BBS12: variants seen among roughly 807,000 people sequenced by gnomAD.
BBS12 encodes Bardet-Biedl syndrome 12.
BBS12 carries 5 observed loss-of-function variants against 5.6 expected under a neutral mutation model. The ratio of observed to expected loss-of-function variants is 0.89; its 90% CI spans 0.46 to 1.86. The LOEUF is 1.86. Ranked by LOEUF, BBS12 falls within the 40% of genes most tolerant of loss-of-function variation. The pLI is 0.01. For missense variants in BBS12, 748 were observed against 830.4 expected, an observed-to-expected ratio of 0.90 and a Z score of 1.22; for synonymous variants, 308 against 306.8, an observed-to-expected ratio of 1.00 and a Z score of -0.04.
intron 1 of BBS12, among the ~76,000 whole-genome samples, chr4:122,740,308 C>T (rs1476066629): frequency 6.6e-6 from 1 of 152,146 alleles, no homozygotes; most frequent in African/African-American, 2.4e-5. Context: ...TCTGAGTTCG[C>T]TGTGACTTGT....
chr4:122,712,350 T>C, the BBS12 span, among the ~76,000 whole-genome samples: 1 of 152,226 alleles, frequency 6.6e-6, no homozygotes, highest in East Asian at 1.9e-4. Context: ...ACTTTATTAC[T>C]TGCAGCATAA....
intron 1 of BBS12, among the ~76,000 whole-genome samples, chr4:122,741,596 A>C (rs955849234): frequency 3.3e-5 from 5 of 151,656 alleles, no homozygotes; most frequent in African/African-American, 1.2e-4. Flanking sequence ...TCAACTTGTA[A>C]CTCTTTCCAG....
chr4:122,706,385 A>G, the BBS12 span, among the ~76,000 whole-genome samples: 1 of 152,336 alleles, frequency 6.6e-6, no homozygotes, highest in South Asian at 2.1e-4. Context: ...TAATAAATCA[A>G]TGCTTAATGT....
the BBS12 span, among the ~76,000 whole-genome samples, chr4:122,714,347 G>A: frequency 4.6e-5 from 7 of 152,052 alleles, no homozygotes; most frequent in Non-Finnish European, 8.8e-5. Flanking sequence ...CTCAGTCTAC[G>A]GTATTTGTAT....
At chr4:122,719,755 T>C in the BBS12 span, among the ~76,000 whole-genome samples, 1 of 152,200 alleles carries the variant, frequency 6.6e-6, no homozygotes. Context: ...AGTTGTGCAA[T>C]GCTGCAAAGA....
At position 122,743,275 on chromosome 4, in the gene BBS12, T is replaced by C. The variant is rs772662554; in HGVS notation, c.1383T>C (p.Asn461=). 1 of 1,614,104 alleles carries C rather than the reference T, an allele frequency of 6.2e-7. No individual in the cohort carries two copies. Among genetic ancestry groups the C allele is most frequent in the African/African-American group, 1.3e-5 (1 of 74,936 alleles). Reference sequence around the variant, plus strand: ...AGGTGGCCTACATTACACAAGTGAATGAAGATTGTGTGGGCGACGGGGTCT... The same window carrying C: ...AGGTGGCCTACATTACACAAGTGAACGAAGATTGTGTGGGCGACGGGGTCT... ...AVQVAYITQV[N]EDCVGDGVCV... Residue 461 remains asparagine, a synonymous_variant, in exon 2 of 2, where the codon AAT becomes AAC. Transcript: ENST00000314218.
the BBS12 span, among the ~76,000 whole-genome samples, chr4:122,704,752 T>C: frequency 1.3e-5 from 2 of 152,174 alleles, no homozygotes. Flanking sequence ...TCCCCAAACA[T>C]GGACACCTGA....
intron 1 of BBS12, among the ~76,000 whole-genome samples, chr4:122,737,755 A>G (rs1471441086): frequency 2.6e-5 from 4 of 152,218 alleles, no homozygotes; most frequent in African/African-American, 7.2e-5. Flanking sequence ...GGCATCTCAT[A>G]CTTCCTGATT....
upstream of BBS12, chr4:122,728,993 G>C (rs568813264): frequency 1.3e-5 from 2 of 152,338 alleles, no homozygotes; most frequent in South Asian, 4.1e-4. Flanking sequence ...TGAAACACTG[G>C]GTGGAACACA....
At chr4:122,704,537 C>T in the BBS12 span, among the ~76,000 whole-genome samples, 1 of 152,132 alleles carries the variant, frequency 6.6e-6, no homozygotes, top group Non-Finnish European at 1.5e-5. Flanking sequence ...TATTCGCCTC[C>T]CATAAAAACC....
At chr4:122,715,402 T>C in the BBS12 span, among the ~76,000 whole-genome samples, 371 of 152,260 alleles carry the variant, frequency 2.4e-3, 3 homozygotes, top group African/African-American at 8.4e-3. Flanking sequence ...AAGTAGTATT[T>C]CTAAGGATGT....
chr4:122,705,486 A>T, the BBS12 span, among the ~76,000 whole-genome samples: 5 of 152,330 alleles, frequency 3.3e-5, no homozygotes, highest in South Asian at 1.0e-3. Context: ...TGATAAAATC[A>T]TTTATCTAGT....
rs777615072 is a variant in BBS12, at chr4:122,743,823, A to G, written c.1931A>G (p.Asn644Ser). The G allele has an allele frequency of 2.4e-5, 39 of 1,607,586 alleles. No individual in the cohort carries two copies. Among genetic ancestry groups the G allele is most frequent in the Non-Finnish European group, 2.2e-5 (26 of 1,177,728 alleles). ...ATCTTGAATGAATATAGTAAACTAA[A>G]TAGTAGAATTTTTAATTCAGACATT... is the stretch of plus-strand genomic sequence containing the variant. ...SYILNEYSKL[N>S]SRIFNSDISN... The change falls in exon 2 of 2, where the codon AAT becomes AGT. Residue 644 changes from asparagine (N) to serine (S), a missense_variant. Transcript: ENST00000314218.
At chr4:122,727,840 G>C (rs907603931), upstream of BBS12, among the ~76,000 whole-genome samples, 1 of 151,906 alleles carries the variant, frequency 6.6e-6, no homozygotes, top group Non-Finnish European at 1.5e-5. Flanking sequence ...ACTGTGCCCA[G>C]CCACAAACCA....
rs1800882657 is a variant in BBS12, at chr4:122,742,068, G to A, written c.176G>A (p.Ser59Asn). ...LISSTVRLLESLDLTSAVGQL... is the reference protein window; with the variant it reads ...LISSTVRLLENLDLTSAVGQL... ...AGTTCAACAGTAAGGCTTCTTGAAA[G>A]TTTGGATTTAACCAGTGCAGTGGGA... Residue 59 changes from serine (S) to asparagine (N), a missense_variant, in exon 2 of 2, where the codon AGT (serine) becomes AAT (asparagine). Ser to Asn is a conservative substitution (Grantham distance 46). Coordinates refer to ENST00000314218, the MANE Select transcript of BBS12 (RefSeq NM_152618.3). 2.5e-6 allele frequency: 4 copies of A among 1,614,164 alleles called. No individual in the cohort carries two copies. The highest frequency in any genetic ancestry group is 2.5e-6 in the Non-Finnish European group (3 of 1,180,022).
At chr4:122,710,966 T>C in the BBS12 span, among the ~76,000 whole-genome samples, 1 of 152,146 alleles carries the variant, frequency 6.6e-6, no homozygotes, top group African/African-American at 2.4e-5. Context: ...TCAGAGAACC[T>C]CCTGAAGGAA....
chr4:122,732,558 C>T (rs147382055), upstream of BBS12: 471 of 152,556 alleles, frequency 3.1e-3, 3 homozygotes, highest in Non-Finnish European at 5.3e-3. Context: ...CCCGCCCACC[C>T]AGCCTGAGTT....
the BBS12 span, among the ~76,000 whole-genome samples, chr4:122,700,539 G>A: frequency 3.9e-5 from 6 of 152,206 alleles, no homozygotes; most frequent in South Asian, 2.1e-4. Flanking sequence ...CAGTGAATCC[G>A]GATTCTGTTG....
Position 122,743,938 on chromosome 4 carries a change from A to G in BBS12, c.2046A>G (p.Leu682=), listed in dbSNP as rs2150738093. The change falls in exon 2 of 2, where the codon TTA becomes TTG. Residue 682 remains leucine, a synonymous_variant. Transcript: ENST00000314218. ...GCCGAGCATTGGATTTAGTATTGTT[A>G]GTACTTCAGACAGACAGTGAAATAA... ...AWRRALDLVL[L]VLQTDSEIIT... is the part of the protein sequence containing the mutation. 1.4e-5 allele frequency: 23 copies of G among 1,612,136 alleles called. No homozygotes were observed. The highest frequency in any genetic ancestry group is 2.0e-5 in the Non-Finnish European group (23 of 1,179,394).
Sources: allele counts gnomAD v4.1 joint callset (sites outside exome capture counted in the v4.1 genomes callset), GRCh38; gene constraint gnomAD v4.1.1; transcripts MANE v1.5; gene names NCBI Gene and HGNC (gene_info 2026-07-23, HGNC 2026-07-21).